PPP2R2C: variants seen among roughly 807,000 people sequenced by gnomAD.
PPP2R2C encodes protein phosphatase 2, regulatory subunit B, gamma.
Under a neutral mutation model 45.3 loss-of-function variants are expected in PPP2R2C, and 10 were observed. That is an observed-to-expected ratio of 0.22 (90% CI 0.14 to 0.37). PPP2R2C has a LOEUF of 0.37. Ranked by LOEUF, PPP2R2C falls within the 10% of genes least tolerant of loss-of-function variation. The pLI is 1.00. For synonymous variants in PPP2R2C, 257 were observed against 245.4 expected, an observed-to-expected ratio of 1.05 and a Z score of -0.44; for missense variants, 308 against 619.7, an observed-to-expected ratio of 0.50 and a Z score of 5.34.
rs1731486340 is a variant in PPP2R2C at position 6,320,629 on chromosome 4, T to C, written c.*2673A>G. On this transcript the variant is annotated 3_prime_UTR_variant, in exon 9 of 9. Coordinates refer to ENST00000382599, the MANE Select transcript of PPP2R2C (RefSeq NM_020416.4). ...TTATTGGAAAAAGCTGGTATTAACATATTTATAGTTTTATTCAACAATTGG... is the reference window on the plus strand; with the variant it reads ...TTATTGGAAAAAGCTGGTATTAACACATTTATAGTTTTATTCAACAATTGG... 3 of 152,540 alleles carry C rather than the reference T, an allele frequency of 2.0e-5. No homozygotes were observed. The highest frequency in any genetic ancestry group is 1.3e-4 in the Admixed American group (2 of 15,282). 9.4% of individuals were successfully genotyped at this position (152,540 alleles called of 1,614,324 possible). A position where few individuals can be genotyped will look rare whatever the true frequency, so the allele number is the denominator to read the frequency against.
intron 6 of PPP2R2C, among the ~76,000 whole-genome samples, chr4:6,342,587 A>G (rs941980572): frequency 3.3e-5 from 5 of 152,230 alleles, no homozygotes; most frequent in African/African-American, 1.2e-4. Context: ...CTAAGAAATC[A>G]GGGTCTCAGC....
chr4:6,563,067 T>C lies in PPP2R2C; in HGVS notation c.-59+493A>G, dbSNP rs1406422189. Among the ~76,000 whole-genome samples the C allele has an allele frequency of 6.6e-6, 1 of 151,806 alleles. No individual in the cohort carries two copies. Among genetic ancestry groups the C allele is most frequent in the Non-Finnish European group, 1.5e-5 (1 of 67,974 alleles). On this transcript the variant is annotated intron_variant, in intron 1 of 9. Coordinates refer to the PPP2R2C transcript ENST00000506140. This position sits in a 1 kb window ranked among gnomAD's most constrained non-coding sequence, Gnocchi z 5.8. Reference sequence around the variant, plus strand: ...GGAGCGCGTAGACGCTGCTGGATGGTACCCGCGGCCGGGACTGAACTCCGC... The same window carrying C: ...GGAGCGCGTAGACGCTGCTGGATGGCACCCGCGGCCGGGACTGAACTCCGC...
chr4:6,332,836 G>A lies in PPP2R2C; in HGVS notation c.960+726C>T, dbSNP rs1488453693. Reference sequence around the variant, plus strand: ...TCTGGTGGGGTGTTTTCCCACCCATGTTTGCACGGCCAGATCTTACCCATC... The same window carrying A: ...TCTGGTGGGGTGTTTTCCCACCCATATTTGCACGGCCAGATCTTACCCATC... On this transcript the variant is annotated intron_variant, in intron 7 of 8. Transcript: ENST00000382599. This position sits in a 1 kb window ranked among gnomAD's most constrained non-coding sequence, Gnocchi z 4.9. Among the ~76,000 whole-genome samples, 1 of 152,112 alleles carries A rather than the reference G, an allele frequency of 6.6e-6. No homozygotes were observed. The highest frequency in any genetic ancestry group is 2.4e-5 in the African/African-American group (1 of 41,410).
intron 1 of PPP2R2C, among the ~76,000 whole-genome samples, chr4:6,396,010 G>A (rs549172437): frequency 2.0e-5 from 3 of 152,284 alleles, no homozygotes; most frequent in Non-Finnish European, 2.9e-5. Flanking sequence ...GTTACACGCC[G>A]GCCACCCCAG....
chr4:6,343,419 C>CA (rs994578187), intron 6 of PPP2R2C, among the ~76,000 whole-genome samples: 70 of 152,166 alleles, frequency 4.6e-4, no homozygotes, highest in Non-Finnish European at 8.2e-4. Context: ...AATCAATAAT[C>CA]AAAAAAGAAA....
chr4:6,440,122 T>C (rs1720080151), intron 1 of PPP2R2C, among the ~76,000 whole-genome samples: 1 of 152,188 alleles, frequency 6.6e-6, no homozygotes, highest in East Asian at 1.9e-4. Flanking sequence ...TATGGTTGTC[T>C]TTCTGTCCAC....
chr4:6,499,706 A>G (rs1241978223), intron 2 of PPP2R2C, among the ~76,000 whole-genome samples: 2 of 151,702 alleles, frequency 1.3e-5, no homozygotes, highest in Non-Finnish European at 2.9e-5. Context: ...AAAAATTTGT[A>G]ATATTTAAGG....
chr4:6,457,576 A>G (rs1702615649), intron 1 of PPP2R2C, among the ~76,000 whole-genome samples: 1 of 151,782 alleles, frequency 6.6e-6, no homozygotes, highest in Admixed American at 6.6e-5. Flanking sequence ...GTCTCACTAT[A>G]TTGCCCAGGC....
At chr4:6,494,253 A>T (rs1377789550) in intron 2 of PPP2R2C, among the ~76,000 whole-genome samples, 1 of 152,166 alleles carries the variant, frequency 6.6e-6, no homozygotes, top group African/African-American at 2.4e-5. Flanking sequence ...GACGCAGGAG[A>T]TCCTGGTTCC....
At chr4:6,355,942 T>A (rs929686886) in intron 5 of PPP2R2C, among the ~76,000 whole-genome samples, 10 of 141,332 alleles carry the variant, frequency 7.1e-5, no homozygotes, top group African/African-American at 2.1e-4. Context: ...TGCAGTGAGC[T>A]GAGATCGTGC....
rs1049060665 is a variant in PPP2R2C, at chr4:6,421,640, C to T, written c.71-40546G>A. Among the ~76,000 whole-genome samples the T allele has an allele frequency of 5.3e-5, 8 of 152,180 alleles. No individual in the cohort carries two copies. In the South Asian group the frequency reaches 1.2e-3, roughly 24 times the overall value. The stretch of plus-strand genomic sequence containing the variant: ...AGACGATAAACCAGCGAGGTGACTC[C>T]AGACGCGAGGGGGCTGAGAATGACG... On this transcript the variant is annotated intron_variant, in intron 1 of 8. Coordinates refer to ENST00000382599, the MANE Select transcript of PPP2R2C (RefSeq NM_020416.4).
chr4:6,468,648 TG>T (rs914831590), intron 1 of PPP2R2C, among the ~76,000 whole-genome samples: 2 of 152,122 alleles, frequency 1.3e-5, no homozygotes, highest in African/African-American at 4.8e-5. Context: ...CACCTCCCCT[TG>T]GCTGAGCTCC....
In PPP2R2C at chr4:6,330,163, C is replaced by A. The variant is rs567655584; in HGVS notation, c.961-810G>T. ...CTGCATCCACCTGACTGCAGCCGGT[C>A]CTACAAGCCCTGTACCCGGAGGGCC... On this transcript the variant is annotated intron_variant, in intron 7 of 8. Coordinates refer to ENST00000382599, the MANE Select transcript of PPP2R2C (RefSeq NM_020416.4). The surrounding 1 kb of genome is among the most constrained non-coding windows in gnomAD (Gnocchi z 7.0). Among the ~76,000 whole-genome samples, 1 of 152,174 alleles carries A rather than the reference C, an allele frequency of 6.6e-6. No individual in the cohort carries two copies. Among genetic ancestry groups the A allele is most frequent in the South Asian group, 2.1e-4 (1 of 4,822 alleles).
intron 5 of PPP2R2C, chr4:6,350,453 A>G: frequency 4.1e-6 from 4 of 985,454 alleles, no homozygotes; most frequent in African/African-American, 1.7e-5. Flanking sequence ...CTCTCTGCAC[A>G]CCCTGAGACA....
At chr4:6,390,255 A>G (rs1278845406) in intron 1 of PPP2R2C, among the ~76,000 whole-genome samples, 2 of 151,962 alleles carry the variant, frequency 1.3e-5, no homozygotes, top group African/African-American at 4.8e-5. Context: ...TGCCTGGGGG[A>G]TTGAGCAAAG....
chr4:6,418,278 G>A (rs929601966), intron 1 of PPP2R2C, among the ~76,000 whole-genome samples: 3 of 151,866 alleles, frequency 2.0e-5, no homozygotes, highest in African/African-American at 4.8e-5. Context: ...CTGGGCACCC[G>A]GCTGCTCATG....
At position 6,329,043 on chromosome 4, in the gene PPP2R2C, G is replaced by A. The variant is rs1398721920; in HGVS notation, c.1052+219C>T. ...AGGGCAGGCGCCAACGTGGCTGTGA[G>A]GTTCAGTGACAGAAGATGAAGAATT... is the stretch of plus-strand genomic sequence containing the variant. On this transcript the variant is annotated intron_variant, in intron 8 of 8. Coordinates refer to ENST00000382599, the MANE Select transcript of PPP2R2C (RefSeq NM_020416.4). This position sits in a 1 kb window ranked among gnomAD's most constrained non-coding sequence, Gnocchi z 5.8. Among the ~76,000 whole-genome samples, 1 of 152,216 alleles carries A rather than the reference G, an allele frequency of 6.6e-6. No homozygotes were observed. Among genetic ancestry groups the A allele is most frequent in the African/African-American group, 2.4e-5 (1 of 41,452 alleles).
At chr4:6,400,867 T>C (rs572473835) in intron 1 of PPP2R2C, among the ~76,000 whole-genome samples, 28 of 152,326 alleles carry the variant, frequency 1.8e-4, no homozygotes, top group African/African-American at 6.7e-4. Flanking sequence ...AACCTCTCTG[T>C]AATGCCTCGC....
intron 1 of PPP2R2C, among the ~76,000 whole-genome samples, chr4:6,401,544 T>A (rs1717412234): frequency 6.6e-6 from 1 of 151,734 alleles, no homozygotes; most frequent in African/African-American, 2.4e-5. Context: ...GACCAAGGCC[T>A]GAAAGAGCAG....
Sources: gnomAD v4.1 joint callset for allele counts (sites outside exome capture counted in the v4.1 genomes callset) on GRCh38, gnomAD v4.1.1 for gene constraint, Gnocchi (gnomAD v3.1) non-coding constraint, MANE v1.5 for transcripts, NCBI Gene and HGNC (gene_info 2026-07-23, HGNC 2026-07-21) for gene names.